CCDC88B: variants seen among roughly 807,000 people sequenced by gnomAD.
The protein encoded by CCDC88B is coiled-coil domain-containing protein 88B.
Under a neutral mutation model 183.7 loss-of-function variants are expected in CCDC88B, and 138 were observed. The ratio of observed to expected loss-of-function variants is 0.75; its 90% confidence interval spans 0.65 to 0.87. The LOEUF is 0.87. Ranked by LOEUF, CCDC88B falls within the 40% of genes least tolerant of loss-of-function variation. The pLI is 0.00. For synonymous variants in CCDC88B, 835 were observed against 867.5 expected (o/e 0.96, Z 0.66); for missense variants, 1,822 against 1,965.6 (o/e 0.93, Z 1.38).
chr11:64,352,845 G>T lies in CCDC88B; in HGVS notation c.3458G>T (p.Gly1153Val). ...ATGCAAGATGGGCATCGGCAGCGGG[G>T]CCTGGAGGAGGAGCTGCGGAGGCTT... is the stretch of plus-strand genomic sequence containing the variant. Reference protein sequence around the residue: ...RLMQDGHRQRGLEEELRRLQS... With the variant: ...RLMQDGHRQRVLEEELRRLQS... Residue 1153 changes from glycine to valine, a missense_variant, in exon 20 of 27, where the codon GGC becomes GTC. Gly to Val is a moderately radical substitution (Grantham distance 109). Transcript: ENST00000356786. 6.2e-7 allele frequency: 1 copy of T among 1,610,702 alleles called. No homozygotes were observed.
chr11:64,343,191 C>G lies in CCDC88B; in HGVS notation c.1075C>G (p.Leu359Val). 6.5e-7 allele frequency: 1 copy of G among 1,534,430 alleles called. No individual in the cohort carries two copies. The highest frequency in any genetic ancestry group is 8.8e-7 in the Non-Finnish European group (1 of 1,139,194). ...GCTCTCCCACCAGGAGGAGCGGGTG[C>G]TCTCGGGGGTGCTGGAGGCGTCCAA... The part of the protein sequence containing the change: ...YKSQLEEERV[L>V]SGVLEASKAL... The change falls in exon 11 of 27, where the codon CTC (leucine) becomes GTC (valine). Residue 359 changes from leucine (L) to valine (V), a missense_variant. Physicochemically the swap from Leu to Val is conservative, Grantham distance 32. Coordinates refer to ENST00000356786, the MANE Select transcript of CCDC88B (RefSeq NM_032251.6).
chr11:64,352,043 A>G, intron 18 of CCDC88B, 87 bp from the exon 19 acceptor site: 1 of 1,490,960 alleles, frequency 6.7e-7, no homozygotes, highest in Non-Finnish European at 9.0e-7. Flanking sequence ...CTTGGGCCCT[A>G]CCGTCTGCCC....
In CCDC88B at chr11:64,342,875, GT is replaced by G. The variant is rs199606445; in HGVS notation, c.1062+196del. On this transcript the variant is annotated intron_variant, in intron 10 of 26. Transcript: ENST00000356786. ...CAGAGGATGGGGCAGGTGTAGGGGA[GT>G]GGGGGGGCTGTGTAAGTGATGCAGC... is the stretch of plus-strand genomic sequence containing the variant. 4.1e-3 allele frequency: 2,242 copies of G among 545,060 alleles called. 35 individuals carry two copies. The highest frequency in any genetic ancestry group is 0.029 in the Middle Eastern group (55 of 1,910). 33.8% of individuals were successfully genotyped at this position (545,060 alleles called of 1,614,324 possible). A position where few individuals can be genotyped will look rare whatever the true frequency, so the allele number is the denominator to read the frequency against.
chr11:64,341,590 G>T lies in CCDC88B; in HGVS notation c.532-9G>T. On this transcript the variant is annotated splice_polypyrimidine_tract_variant and intron_variant, in intron 6 of 26. Coordinates refer to ENST00000356786, the MANE Select transcript of CCDC88B (RefSeq NM_032251.6). ...CGGCTTCCACTGAACTGCTCTTCCT[G>T]CGCCCCAGGTGACCCAGCCGGGGGC... 6.2e-7 allele frequency: 1 copy of T among 1,602,838 alleles called. No homozygotes were observed. The highest frequency in any genetic ancestry group is 1.1e-5 in the South Asian group (1 of 89,896).
chr11:64,345,019 G>A lies in CCDC88B; in HGVS notation c.2478G>A (p.Arg826=), dbSNP rs909423230. 3.9e-6 allele frequency: 6 copies of A among 1,547,432 alleles called. No individual in the cohort carries two copies. In the East Asian group the frequency reaches 1.4e-4, roughly 37 times the overall value. Residue 826 remains arginine (R), a synonymous_variant, in exon 14 of 27, where the codon AGG becomes AGA. Coordinates refer to ENST00000356786, the MANE Select transcript of CCDC88B (RefSeq NM_032251.6). ...TGGCAGCAGCGGGCCGGGAGCGGAGGCAGTGGGAGCGTGAGGGGTCCAGGC... is the reference window on the plus strand; with the variant it reads ...TGGCAGCAGCGGGCCGGGAGCGGAGACAGTGGGAGCGTGAGGGGTCCAGGC... ...EALAAAGRER[R]QWEREGSRLR...
At chr11:64,347,258 C>A (rs1220804759) in intron 14 of CCDC88B, among the ~76,000 whole-genome samples, 1 of 152,160 alleles carries the variant, frequency 6.6e-6, no homozygotes, top group Admixed American at 6.6e-5. Flanking sequence ...GGGCTTTTGC[C>A]ATGGGGGATT....
rs760506272 is a variant in CCDC88B, at chr11:64,341,274, A to G, written c.393A>G (p.Glu131=). 6.2e-7 allele frequency: 1 copy of G among 1,614,110 alleles called. No individual in the cohort carries two copies. The highest frequency in any genetic ancestry group is 8.5e-7 in the Non-Finnish European group (1 of 1,180,012). The change falls in exon 5 of 27, where the codon GAA becomes GAG. Residue 131 remains glutamate, a synonymous_variant. Transcript: ENST00000356786. ...QTLGFDPLSE[E]AVEQLEGVLR... ...CTTGTGGCATGTGCCTTGCAGAAGA[A>G]GCGGTGGAGCAGCTGGAAGGCGTTC...
Position 64,351,035 on chromosome 11 carries a change from G to A in CCDC88B, c.2863-125G>A. 3 of 591,228 alleles carry A rather than the reference G, an allele frequency of 5.1e-6. 1 individual carries two copies. The South Asian group carries it at 7.7e-5, about 15-fold the overall frequency. 36.6% of individuals were successfully genotyped at this position (591,228 alleles called of 1,614,324 possible). On this transcript the variant is annotated intron_variant, in intron 16 of 26. Coordinates refer to ENST00000356786, the MANE Select transcript of CCDC88B (RefSeq NM_032251.6). Reference sequence around the variant, plus strand: ...ACTTGTGGGATCCAAGGGAAGGCATGGGATTGGGGCGGGGTGGACTAGGCT... The same window carrying A: ...ACTTGTGGGATCCAAGGGAAGGCATAGGATTGGGGCGGGGTGGACTAGGCT...
At position 64,345,135 on chromosome 11, in the gene CCDC88B, G is replaced by A. The variant is rs181214235; in HGVS notation, c.2594G>A (p.Arg865Gln). 242 of 1,545,016 alleles carry A rather than the reference G, an allele frequency of 1.6e-4. No individual in the cohort carries two copies. The East Asian group carries it at 4.0e-3, about 25-fold the overall frequency. The change falls in exon 14 of 27, where the codon CGG becomes CAG. Residue 865 changes from arginine to glutamine, a missense_variant. Physicochemically the swap from Arg to Gln is conservative, Grantham distance 43. Coordinates refer to ENST00000356786, the MANE Select transcript of CCDC88B (RefSeq NM_032251.6). ...TTGGAGGAGGCTGAGAGGGAGCGCC[G>A]GGAGAAGGAGGCCCTCCAGGCGGTA... is the stretch of plus-strand genomic sequence containing the variant. ...QHLEEAERER[R>Q]EKEALQAELE...
At position 64,344,902 on chromosome 11, in the gene CCDC88B, C is replaced by T. The variant is rs2036040098; in HGVS notation, c.2361C>T (p.Ala787=). 6.3e-7 allele frequency: 1 copy of T among 1,587,132 alleles called. No homozygotes were observed. The highest frequency in any genetic ancestry group is 1.3e-5 in the African/African-American group (1 of 74,256). Residue 787 remains alanine (A), a synonymous_variant, in exon 14 of 27, where the codon GCC becomes GCT. Transcript: ENST00000356786. The surrounding 1 kb of genome is among the most constrained non-coding windows in gnomAD (Gnocchi z 4.5). ...CCCACCGGGAGGCAGAGGCCCAGGC[C>T]TGGGAGCAAGCCCGGCTGCGGGAGG... ...AEAHREAEAQ[A]WEQARLREAV...
At position 64,344,499 on chromosome 11, in the gene CCDC88B, C is replaced by T. The variant is rs753464541; in HGVS notation, c.1958C>T (p.Ser653Leu). 1.6e-5 allele frequency: 25 copies of T among 1,606,504 alleles called. No individual in the cohort carries two copies. Among genetic ancestry groups the T allele is most frequent in the Admixed American group, 3.4e-5 (2 of 58,356 alleles). ...GGCCCTGAGCACAAGCCAGGGCCTT[C>T]GGAGCCCAGCTCTGTGCAGCTGGAG... ...QEGPEHKPGP[S>L]EPSSVQLEEQ... The change falls in exon 14 of 27, where the codon TCG becomes TTG. Residue 653 changes from serine (S) to leucine (L), a missense_variant. By Grantham distance (145) the Ser-to-Leu change is moderately radical (BLOSUM62 -2). Coordinates refer to ENST00000356786, the MANE Select transcript of CCDC88B (RefSeq NM_032251.6). This position sits in a 1 kb window ranked among gnomAD's most constrained non-coding sequence, Gnocchi z 4.5.
In CCDC88B at chr11:64,352,307, G is replaced by A. The variant is rs1299771558; in HGVS notation, c.3277G>A (p.Glu1093Lys). The A allele has an allele frequency of 7.1e-6, 11 of 1,559,280 alleles. No homozygotes were observed. Among genetic ancestry groups the A allele is most frequent in the Non-Finnish European group, 9.5e-6 (11 of 1,153,174 alleles). ...QLQRRQEAEL[E>K]GLLVRHRDLK... ...GCAGCGGCGGCAGGAGGCCGAGCTA[G>A]AGGGACTGCTGGTGCGGCACCGAGA... Residue 1093 changes from glutamate (E) to lysine (K), a missense_variant, in exon 19 of 27, where the codon GAG (glutamate) becomes AAG (lysine). Transcript: ENST00000356786.
rs193018272 is a variant in CCDC88B at position 64,355,358 on chromosome 11, C to T, written c.4264C>T (p.Arg1422Cys). Residue 1422 changes from arginine (R) to cysteine (C), a missense_variant, in exon 25 of 27, where the codon CGC becomes TGC. Physicochemically the swap from Arg to Cys is radical, Grantham distance 180. Coordinates refer to ENST00000356786, the MANE Select transcript of CCDC88B (RefSeq NM_032251.6). ...CACCCCTAGGCAACGATTCCGACAG[C>T]GCCATCCAGGCCCCCTGGGGGCGCC... ...GDTPRQRFRQ[R>C]HPGPLGAPVS... is the part of the protein sequence containing the mutation. The T allele has an allele frequency of 6.4e-5, 102 of 1,592,158 alleles. No homozygotes were observed. The highest frequency in any genetic ancestry group is 8.3e-5 in the Non-Finnish European group (97 of 1,169,852).
intron 14 of CCDC88B, among the ~76,000 whole-genome samples, chr11:64,346,977 G>A (rs1162328199): frequency 6.6e-6 from 1 of 151,108 alleles, no homozygotes. Flanking sequence ...TGAATTTTTA[G>A]TAGAGACAGG....
At chr11:64,353,661 C>T in intron 22 of CCDC88B, 54 bp from the exon 23 acceptor site, 1 of 1,602,850 alleles carries the variant, frequency 6.2e-7, no homozygotes, top group South Asian at 1.1e-5. Context: ...TGCCTTGCTA[C>T]TGCCTCGGCC....
rs561980622 is a variant in CCDC88B, at chr11:64,343,826, C to T, written c.1367C>T (p.Ala456Val). The T allele has an allele frequency of 2.1e-5, 34 of 1,595,706 alleles. No homozygotes were observed. In the African/African-American group the frequency reaches 3.6e-4, roughly 17 times the overall value. The change falls in exon 13 of 27, where the codon GCA becomes GTA. Residue 456 changes from alanine to valine, a missense_variant. Coordinates refer to ENST00000356786, the MANE Select transcript of CCDC88B (RefSeq NM_032251.6). ...APSLQDEVRE[A>V]EAGRLRTLER... ...TCGCTGCAAGATGAGGTGAGGGAGG[C>T]AGAGGCTGGGCGGCTTCGGACCCTT...
intron 13 of CCDC88B, 37 bp from the exon 14 acceptor site, chr11:64,343,960 C>T (rs2035993570): frequency 6.4e-7 from 1 of 1,564,090 alleles, no homozygotes; most frequent in South Asian, 1.2e-5. Context: ...CCCCTAGTCC[C>T]TCCCTGGGCC....
chr11:64,355,834 C>G, intron 26 of CCDC88B: 1 of 501,310 alleles, frequency 2.0e-6, no homozygotes, highest in South Asian at 3.1e-5. Flanking sequence ...CTACAACAGC[C>G]CTGTCCACTA....
intron 14 of CCDC88B, among the ~76,000 whole-genome samples, chr11:64,345,520 T>A (rs2036074381): frequency 6.6e-6 from 1 of 152,140 alleles, no homozygotes; most frequent in South Asian, 2.1e-4. Flanking sequence ...AAAGGTCTGG[T>A]TCATGCTGGC....
Sources: gnomAD v4.1 joint callset for allele counts (sites outside exome capture counted in the v4.1 genomes callset) on GRCh38, gnomAD v4.1.1 for gene constraint, Gnocchi (gnomAD v3.1) non-coding constraint, MANE v1.5 for transcripts, NCBI Gene and HGNC (gene_info 2026-07-23, HGNC 2026-07-21) for gene names.